The following FAM72D variants were observed in gnomAD, a reference collection of about 807,000 sequenced individuals.
The protein encoded by FAM72D is protein FAM72D.
For synonymous variants in FAM72D, 4 were observed against 35.1 expected, an observed-to-expected ratio of 0.11 and a Z score of 3.13; for missense variants, 9 against 104.7, an observed-to-expected ratio of 0.09 and a Z score of 3.99.
chr1:145,103,710 TAAAG>T (rs1202571996), intron 3 of FAM72D, among the ~76,000 whole-genome samples: 1 of 110,114 alleles, frequency 9.1e-6, no homozygotes, highest in Non-Finnish European at 1.8e-5. Context: ...ACCACCATAA[TAAAG>T]CAAGCAAATA....
At chr1:145,105,661 A>C (rs1221465741) in intron 3 of FAM72D, among the ~76,000 whole-genome samples, 1 of 150,488 alleles carries the variant, frequency 6.6e-6, no homozygotes, top group Non-Finnish European at 1.5e-5. Context: ...GAAAAAAAAA[A>C]GGAATAAGAG....
Position 145,107,344 on chromosome 1 carries a change from C to A in FAM72D, c.356-4159C>A, listed in dbSNP as rs1294368475. On this transcript the variant is annotated intron_variant, in intron 3 of 3. Transcript: ENST00000400889. The stretch of plus-strand genomic sequence containing the variant: ...CATGGCAGCCTCTGCCTCCCGGGTT[C>A]AAGCGATTCTCGTGCCTCAGCCTCC... Among the ~76,000 whole-genome samples the A allele has an allele frequency of 2.2e-4, 27 of 125,422 alleles. No homozygotes were observed. The East Asian group carries it at 6.1e-3, about 29-fold the overall frequency. The allele number at this position is 125,422 out of a possible 152,430, so 82.3% of individuals were successfully genotyped here.
chr1:145,100,968 G>A (rs1654680816), intron 2 of FAM72D, among the ~76,000 whole-genome samples: 1 of 149,574 alleles, frequency 6.7e-6, no homozygotes, highest in Non-Finnish European at 1.5e-5. Context: ...TTGAGACGGA[G>A]TCTTGCTCTG....
chr1:145,099,960 G>T, intron 2 of FAM72D, among the ~76,000 whole-genome samples: 1 of 117,820 alleles, frequency 8.5e-6, no homozygotes, highest in Non-Finnish European at 1.7e-5. Flanking sequence ...TTTTTTTTTA[G>T]TAGAGACAGG....
At chr1:145,106,975 C>G (rs2102555204) in intron 3 of FAM72D, among the ~76,000 whole-genome samples, 1 of 93,048 alleles carries the variant, frequency 1.1e-5, no homozygotes, top group South Asian at 3.2e-4. Context: ...TAATCCCACA[C>G]TTTGGGAGGC....
rs1426764405 is a variant in FAM72D at position 145,105,754 on chromosome 1, AC to A, written c.355+2625del. Among the ~76,000 whole-genome samples, 20 of 149,984 alleles carry A rather than the reference AC, an allele frequency of 1.3e-4. 2 individuals are homozygous for A. The highest frequency in any genetic ancestry group is 2.5e-4 in the Non-Finnish European group (17 of 67,562). On this transcript the variant is annotated intron_variant, in intron 3 of 3. Coordinates refer to ENST00000400889, the MANE Select transcript of FAM72D (RefSeq NM_207418.3). ...GATCACCTGAGGTTGGGAGTTCGAG[AC>A]CAGCCTGACCAACATGGAGAAACCC...
At chr1:145,107,093 C>T (rs1264768534) in intron 3 of FAM72D, among the ~76,000 whole-genome samples, 5 of 96,652 alleles carry the variant, frequency 5.2e-5, no homozygotes, top group Middle Eastern at 8.8e-3. Context: ...GAGGTGGCAC[C>T]GCTGCACTCC....
intron 1 of FAM72D, among the ~76,000 whole-genome samples, 161 bp downstream of exon 1, chr1:145,097,160 T>A (rs1654503411): frequency 6.9e-6 from 1 of 145,464 alleles, no homozygotes; most frequent in Non-Finnish European, 1.5e-5. Context: ...GCAGACTGTC[T>A]GGACAAAGTC....
chr1:145,107,133 C>T (rs868939073), intron 3 of FAM72D, among the ~76,000 whole-genome samples: 2 of 68,880 alleles, frequency 2.9e-5, no homozygotes, highest in Non-Finnish European at 2.8e-5. Context: ...GACCCTGTCT[C>T]AAAAAAAAAA....
Position 145,105,543 on chromosome 1 carries a change from C to T in FAM72D, c.355+2412C>T, listed in dbSNP as rs1342913975. Among the ~76,000 whole-genome samples, 8 of 137,878 alleles carry T rather than the reference C, an allele frequency of 5.8e-5. No individual in the cohort carries two copies. The East Asian group carries it at 1.7e-3, about 30-fold the overall frequency. The allele number at this position is 137,878 out of a possible 152,430, so 90.5% of individuals were successfully genotyped here. ...AAAAAATTAGCTGGGCGTGGTGGTACATGCCCAGCTACTTGGGGGACTGAG... is the reference window on the plus strand; with the variant it reads ...AAAAAATTAGCTGGGCGTGGTGGTATATGCCCAGCTACTTGGGGGACTGAG... On this transcript the variant is annotated intron_variant, in intron 3 of 3. Coordinates refer to ENST00000400889, the MANE Select transcript of FAM72D (RefSeq NM_207418.3).
At chr1:145,099,939 ATT>A (rs1331345673) in intron 2 of FAM72D, among the ~76,000 whole-genome samples, 5 of 86,762 alleles carry the variant, frequency 5.8e-5, no homozygotes, top group African/African-American at 2.5e-4. Context: ...TGCCCAGCTA[ATT>A]TTTTTTTTTT....
chr1:145,107,304 G>C (rs1206792368), intron 3 of FAM72D, among the ~76,000 whole-genome samples: 3 of 126,616 alleles, frequency 2.4e-5, no homozygotes, highest in Non-Finnish European at 3.3e-5. Flanking sequence ...GATGTGCAAT[G>C]GTGTCATCTT....
At chr1:145,094,926 A>C, upstream of FAM72D, 1 of 1,535,044 alleles carries the variant, frequency 6.5e-7, no homozygotes, top group Non-Finnish European at 8.8e-7. Context: ...CCGTGTGCGG[A>C]GGAAAGGGAG....
chr1:145,112,418 T>TTTTGC lies in FAM72D; in HGVS notation c.*836_*840dup, dbSNP rs1214693439. ...TTGTACATTATAAAGAGCTGTTTTG[T>TTTTGC]TTTGCTTTGCTTTGCTTTGTTTTGT... On this transcript the variant is annotated 3_prime_UTR_variant, in exon 4 of 4. Transcript: ENST00000400889. The TTTTGC allele has an allele frequency of 6.6e-6, 1 of 150,920 alleles. No individual in the cohort carries two copies. Among genetic ancestry groups the TTTTGC allele is most frequent in the Non-Finnish European group, 1.5e-5 (1 of 67,924 alleles). The allele number at this position is 150,920 out of a possible 1,614,324, so 9.3% of individuals were successfully genotyped here.
upstream of FAM72D, among the ~76,000 whole-genome samples, chr1:145,094,321 G>T (rs1654257637): frequency 7.2e-5 from 1 of 13,866 alleles, no homozygotes. Context: ...GGAGCGCGGA[G>T]CCCGGCGACT....
At chr1:145,105,933 C>T (rs1211206797) in intron 3 of FAM72D, among the ~76,000 whole-genome samples, 16 of 112,202 alleles carry the variant, frequency 1.4e-4, no homozygotes, top group Non-Finnish European at 1.1e-4. Context: ...GCCTGGGCAA[C>T]AAAAGTGAAA....
intron 3 of FAM72D, among the ~76,000 whole-genome samples, chr1:145,107,571 T>G (rs868937453): frequency 8.0e-6 from 1 of 125,762 alleles, no homozygotes; most frequent in African/African-American, 3.0e-5. Context: ...TTTTTTTTTT[T>G]TTTTTTGAGA....
At chr1:145,107,359 C>T (rs1165487707) in intron 3 of FAM72D, among the ~76,000 whole-genome samples, 7 of 124,036 alleles carry the variant, frequency 5.6e-5, no homozygotes, top group Non-Finnish European at 1.0e-4. Flanking sequence ...GATTCTCGTG[C>T]CTCAGCCTCC....
At chr1:145,103,201 A>AAAAGAAAGTAAATGTTAC in intron 3 of FAM72D, 70 bp downstream of exon 3, 1 of 444,332 alleles carries the variant, frequency 2.3e-6, no homozygotes. Flanking sequence ...TTCCCAATAG[A>AAAAGAAAGTAAATGTTAC]TCATTTCAGG....
Sources: gnomAD v4.1 joint callset for allele counts (sites outside exome capture counted in the v4.1 genomes callset) on GRCh38, gnomAD v4.1.1 for gene constraint, MANE v1.5 for transcripts, NCBI Gene and HGNC (gene_info 2026-07-23, HGNC 2026-07-21) for gene names.